Variants in FRY observed in about 807,000 individuals in gnomAD.
FRY encodes the protein FRY microtubule binding protein, also known as protein furry homolog.
In FRY, 128 loss-of-function variants were observed where a neutral mutation model predicts 348.4. The observed-to-expected ratio is 0.37, with a 90% CI of 0.32 to 0.43. The LOEUF (loss-of-function observed/expected upper bound fraction) is 0.43, where lower values mean the gene tolerates loss of function less well. Ranked by LOEUF, FRY falls within the 20% of genes least tolerant of loss-of-function variation. FRY has a pLI of 1.00. For missense variants in FRY, 2,736 were observed against 3,695.2 expected, an observed-to-expected ratio of 0.74 and a Z score of 6.73; for synonymous variants, 1,370 against 1,374.7, an observed-to-expected ratio of 1.00 and a Z score of 0.08.
chr13:32,144,266 T>C (rs1045360992), intron 11 of FRY, among the ~76,000 whole-genome samples: 10 of 131,226 alleles, frequency 7.6e-5, no homozygotes, highest in Non-Finnish European at 1.5e-4. Context: ...AAAAGCCAGG[T>C]TTTTTTTTCT....
intron 31 of FRY, among the ~76,000 whole-genome samples, chr13:32,207,214 G>T (rs1884404075): frequency 6.6e-6 from 1 of 152,164 alleles, no homozygotes; most frequent in Admixed American, 6.5e-5. Context: ...TAGGTCTTTT[G>T]AATAACTGCT....
intron 47 of FRY, 90 bp downstream of exon 47, chr13:32,244,272 C>A: frequency 8.4e-7 from 1 of 1,190,206 alleles, no homozygotes; most frequent in Non-Finnish European, 1.2e-6. Flanking sequence ...CATCTGGGTG[C>A]CAGGCCACTC....
intron 3 of FRY, among the ~76,000 whole-genome samples, chr13:32,109,165 AT>A (rs1316297896): frequency 6.6e-6 from 1 of 152,238 alleles, no homozygotes. Context: ...AAGGATAAAC[AT>A]TGGTTGAGAA....
At chr13:32,106,501 T>C (rs1012303301) in intron 3 of FRY, among the ~76,000 whole-genome samples, 3 of 152,230 alleles carry the variant, frequency 2.0e-5, no homozygotes, top group African/African-American at 7.2e-5. Context: ...GATTATTTTT[T>C]CTTTCTTATG....
Position 32,117,315 on chromosome 13 carries a change from C to G in FRY, c.325-19C>G. On this transcript the variant is annotated intron_variant, in intron 3 of 60. Coordinates refer to ENST00000542859, the MANE Select transcript of FRY (RefSeq NM_023037.3). ...GGCAGTGCTACCAGTGTTCTAATCA[C>G]CTGCATTTTCCTCCATAGGTCATCA... 1 of 1,613,010 alleles carries G rather than the reference C, an allele frequency of 6.2e-7. No homozygotes were observed. Among genetic ancestry groups the G allele is most frequent in the Non-Finnish European group, 8.5e-7 (1 of 1,179,158 alleles).
intron 58 of FRY, 191 bp downstream of exon 58, chr13:32,278,739 G>A: frequency 1.5e-6 from 1 of 688,046 alleles, no homozygotes; most frequent in South Asian, 1.5e-5. Context: ...TTGTGGGGAG[G>A]TTTCTTCGTT....
chr13:32,204,083 A>G (rs1454355462), intron 31 of FRY, among the ~76,000 whole-genome samples: 1 of 152,214 alleles, frequency 6.6e-6, no homozygotes, highest in East Asian at 1.9e-4. Flanking sequence ...CTTAATATTT[A>G]TAAACCCTGG....
intron 56 of FRY, among the ~76,000 whole-genome samples, chr13:32,275,878 CTTT>C (rs112932271): frequency 4.1e-5 from 6 of 145,062 alleles, no homozygotes; most frequent in Admixed American, 6.9e-5. Context: ...TGTGTGATAC[CTTT>C]TTTTTTTTTT....
intron 46 of FRY, among the ~76,000 whole-genome samples, chr13:32,240,216 T>C (rs1210214837): frequency 6.6e-6 from 1 of 152,248 alleles, no homozygotes; most frequent in Non-Finnish European, 1.5e-5. Context: ...CATACAGATC[T>C]GAGGCTCAGC....
At chr13:32,062,076 A>G (rs1192739614) in intron 1 of FRY, among the ~76,000 whole-genome samples, 1 of 152,120 alleles carries the variant, frequency 6.6e-6, no homozygotes, top group Non-Finnish European at 1.5e-5. Flanking sequence ...CTAGAAGTTT[A>G]CATATGATAG....
At chr13:32,126,233 AC>A in intron 7 of FRY, among the ~76,000 whole-genome samples, 1 of 151,500 alleles carries the variant, frequency 6.6e-6, no homozygotes, top group Middle Eastern at 3.4e-3. Flanking sequence ...GAAAATCTCA[AC>A]ATAAACTTTC....
At chr13:32,034,367 C>A (rs1872399109) in intron 1 of FRY, among the ~76,000 whole-genome samples, 1 of 152,112 alleles carries the variant, frequency 6.6e-6, no homozygotes, top group Non-Finnish European at 1.5e-5. Context: ...CAGTCGCTGG[C>A]TAGTGAGATG....
In FRY at chr13:32,257,393, A is replaced by G. The variant is rs148580541; in HGVS notation, c.7416+2999A>G. On this transcript the variant is annotated intron_variant, in intron 51 of 60. Coordinates refer to ENST00000542859, the MANE Select transcript of FRY (RefSeq NM_023037.3). ...AAAAAGAAAGACAAGTCATTTTGTCATATCTATTCCTTTTCATTGGTCTCA... is the reference window on the plus strand; with the variant it reads ...AAAAAGAAAGACAAGTCATTTTGTCGTATCTATTCCTTTTCATTGGTCTCA... 7.2e-5 allele frequency among the ~76,000 whole-genome samples: 11 copies of G among 152,376 alleles called. No individual in the cohort carries two copies. In the East Asian group the frequency reaches 2.1e-3, roughly 29 times the overall value.
chr13:32,130,574 CT>C (rs1879296665), intron 7 of FRY, among the ~76,000 whole-genome samples: 1 of 150,852 alleles, frequency 6.6e-6, no homozygotes. Flanking sequence ...CTCTTAGGTA[CT>C]TGAAGATCTG....
chr13:32,257,864 G>A lies in FRY; in HGVS notation c.7416+3470G>A. 9.0e-6 allele frequency: 9 copies of A among 998,984 alleles called. 1 individual carries two copies. Among genetic ancestry groups the A allele is most frequent in the East Asian group, 2.4e-5 (1 of 41,924 alleles). 61.9% of individuals were successfully genotyped at this position (998,984 alleles called of 1,614,324 possible). A position where few individuals can be genotyped will look rare whatever the true frequency, so the allele number is the denominator to read the frequency against. On this transcript the variant is annotated intron_variant, in intron 51 of 60. Transcript: ENST00000542859. ...TATATTGTTAGCACTGTTGGTTAAT[G>A]TTGTGTTAACACTAAGAGAAATGTT...
intron 33 of FRY, among the ~76,000 whole-genome samples, chr13:32,210,416 GT>G (rs1246513201): frequency 1.2e-4 from 18 of 152,158 alleles, no homozygotes; most frequent in Admixed American, 3.3e-4. Flanking sequence ...TTAATCCAGA[GT>G]TATTTTTAAA....
At position 32,244,024 on chromosome 13, in the gene FRY, C is replaced by T. The variant is rs185015859; in HGVS notation, c.6688-18C>T. 9 of 1,613,190 alleles carry T rather than the reference C, an allele frequency of 5.6e-6. No individual in the cohort carries two copies. The highest frequency in any genetic ancestry group is 4.0e-5 in the African/African-American group (3 of 75,018). ...GATCTGGTGTGTGACTGACTCCAGC[C>T]GCACTTTGCCCCCACAGCTGCTGGA... is the stretch of plus-strand genomic sequence containing the variant. On this transcript the variant is annotated intron_variant, in intron 46 of 60. Transcript: ENST00000542859.
chr13:32,132,712 T>C (rs965239267), intron 8 of FRY, among the ~76,000 whole-genome samples: 1 of 152,226 alleles, frequency 6.6e-6, no homozygotes, highest in African/African-American at 2.4e-5. Flanking sequence ...AATGAAAATA[T>C]ATGTCCACAC....
intron 29 of FRY, among the ~76,000 whole-genome samples, chr13:32,194,989 T>C (rs1336491554): frequency 2.0e-5 from 3 of 152,176 alleles, no homozygotes; most frequent in Admixed American, 2.0e-4. Context: ...TTTTCCTTTT[T>C]AATTAAATGT....
Sources: gnomAD v4.1 joint callset for allele counts (sites outside exome capture counted in the v4.1 genomes callset) on GRCh38, gnomAD v4.1.1 for gene constraint, MANE v1.5 for transcripts, NCBI Gene and HGNC (gene_info 2026-07-23, HGNC 2026-07-21) for gene names.